The following DEPDC5 variants were observed in gnomAD, a reference collection of about 807,000 sequenced individuals.
The protein encoded by DEPDC5 is DEP domain containing 5, GATOR1 subcomplex subunit.
Under a neutral mutation model 217.3 loss-of-function variants are expected in DEPDC5, and 73 were observed. That is an observed-to-expected ratio of 0.34 (90% CI 0.28 to 0.41). The LOEUF (loss-of-function observed/expected upper bound fraction) is 0.41, where lower values mean the gene tolerates loss of function less well. Among genes scored for constraint, DEPDC5 ranks in the 10% least tolerant of loss-of-function variants. The probability of loss-of-function intolerance (pLI) is 1.00; values close to 1 mark genes in which losing one functional copy is unlikely to be tolerated. For synonymous variants in DEPDC5, 733 were observed against 756.7 expected (o/e 0.97, Z 0.51); for missense variants, 1,675 against 2,070.1 (o/e 0.81, Z 3.70).
chr22:31,778,766 G>A (rs1030869937), intron 8 of DEPDC5, among the ~76,000 whole-genome samples: 9 of 152,118 alleles, frequency 5.9e-5, no homozygotes, highest in African/African-American at 2.2e-4. Context: ...GCCAATGAAC[G>A]TTACCCATGC....
intron 7 of DEPDC5, among the ~76,000 whole-genome samples, chr22:31,775,426 C>T (rs545501660): frequency 6.6e-6 from 1 of 152,252 alleles, no homozygotes; most frequent in Non-Finnish European, 1.5e-5. Flanking sequence ...GATCCACCCA[C>T]CTCGGCCTCC....
At chr22:31,791,948 AAAAG>A in intron 10 of DEPDC5, 81 bp from the exon 11 acceptor site, 2 of 651,680 alleles carry the variant, frequency 3.1e-6, no homozygotes, top group African/African-American at 1.9e-5. Context: ...AAAAAAAAAA[AAAAG>A]AATATTATAT....
chr22:31,838,663 A>C, intron 26 of DEPDC5, 22 bp from the exon 27 acceptor site: 1 of 1,612,438 alleles, frequency 6.2e-7, no homozygotes, highest in Non-Finnish European at 8.5e-7. Flanking sequence ...CATCTGTATG[A>C]GCAATCATCT....
chr22:31,816,834 G>T (rs572126107), intron 21 of DEPDC5: 2 of 153,214 alleles, frequency 1.3e-5, no homozygotes, highest in South Asian at 2.0e-4. Context: ...CTCATGTATG[G>T]GTTAATCTGA....
intron 12 of DEPDC5, among the ~76,000 whole-genome samples, chr22:31,795,258 C>CG: frequency 6.6e-6 from 1 of 151,572 alleles, no homozygotes; most frequent in East Asian, 1.9e-4. Flanking sequence ...TTAGTAGAGA[C>CG]GGGGTTTCAC....
chr22:31,885,817 C>T (rs1396243236), intron 38 of DEPDC5, among the ~76,000 whole-genome samples: 1 of 151,242 alleles, frequency 6.6e-6, no homozygotes, highest in African/African-American at 2.4e-5. Context: ...GGGTGGATCA[C>T]GAGGTCAGGA....
At chr22:31,787,540 C>T (rs1443005297) in intron 10 of DEPDC5, among the ~76,000 whole-genome samples, 1 of 152,150 alleles carries the variant, frequency 6.6e-6, no homozygotes, top group Non-Finnish European at 1.5e-5. Flanking sequence ...GACCTGCTGG[C>T]TCACACCTTT....
At chr22:31,774,401 GT>G (rs1375437190) in intron 7 of DEPDC5, among the ~76,000 whole-genome samples, 1 of 151,578 alleles carries the variant, frequency 6.6e-6, no homozygotes, top group Admixed American at 6.6e-5. Flanking sequence ...GTTTCACCAT[GT>G]TTTTCAGGCT....
At chr22:31,880,673 G>C (rs1436555911) in intron 38 of DEPDC5, among the ~76,000 whole-genome samples, 2 of 152,180 alleles carry the variant, frequency 1.3e-5, no homozygotes. Flanking sequence ...GCTGAGGTGG[G>C]TGGATCACTT....
At chr22:31,868,786 T>C (rs1381652748) in intron 33 of DEPDC5, among the ~76,000 whole-genome samples, 1 of 152,210 alleles carries the variant, frequency 6.6e-6, no homozygotes, top group Non-Finnish European at 1.5e-5. Context: ...AAAGATCCCT[T>C]CTGGAAGTAC....
At chr22:31,846,728 A>C (rs1350052473) in intron 30 of DEPDC5, 106 bp from the exon 31 acceptor site, 1 of 1,528,150 alleles carries the variant, frequency 6.5e-7, no homozygotes, top group East Asian at 2.3e-5. Context: ...GACCCTGTCC[A>C]TGGGATTCCC....
chr22:31,815,074 A>G lies in DEPDC5; in HGVS notation c.1528A>G (p.Thr510Ala). 6.2e-7 allele frequency: 1 copy of G among 1,614,194 alleles called. No individual in the cohort carries two copies. Among genetic ancestry groups the G allele is most frequent in the Non-Finnish European group, 8.5e-7 (1 of 1,180,036 alleles). ...VSSSPSLPSR[T>A]LPTEEVRSQA... The stretch of plus-strand genomic sequence containing the variant: ...ATCCAGCCCTTCCCTACCAAGCCGC[A>G]CACTGCCCACTGAGGAAGTGAGGAG... The change falls in exon 21 of 43, where the codon ACA becomes GCA. Residue 510 changes from threonine to alanine, a missense_variant. Thr to Ala is a moderately conservative substitution (Grantham distance 58). Coordinates refer to ENST00000651528, the MANE Select transcript of DEPDC5 (RefSeq NM_001242896.3).
intron 37 of DEPDC5, among the ~76,000 whole-genome samples, chr22:31,877,058 G>A (rs1471187548): frequency 1.3e-5 from 2 of 151,942 alleles, no homozygotes; most frequent in African/African-American, 2.4e-5. Flanking sequence ...CAGGAGAATC[G>A]CTTGAATCCG....
intron 32 of DEPDC5, chr22:31,858,742 G>A (rs1054320020): frequency 4.6e-5 from 7 of 151,898 alleles, no homozygotes; most frequent in African/African-American, 1.2e-4. Flanking sequence ...GGTTAAAATT[G>A]TAGATGGTGA....
intron 8 of DEPDC5, among the ~76,000 whole-genome samples, chr22:31,779,202 A>G (rs890544196): frequency 6.6e-6 from 1 of 152,314 alleles, no homozygotes; most frequent in Admixed American, 6.5e-5. Flanking sequence ...GACCCAGTGT[A>G]TCCTTAGAGG....
chr22:31,813,024 G>A (rs557163426), intron 20 of DEPDC5, among the ~76,000 whole-genome samples: 1 of 152,310 alleles, frequency 6.6e-6, no homozygotes, highest in Admixed American at 6.5e-5. Flanking sequence ...ATAGGTGTGA[G>A]CCACTGCCCC....
chr22:31,853,867 G>A (rs576008856), intron 31 of DEPDC5, among the ~76,000 whole-genome samples: 6 of 152,320 alleles, frequency 3.9e-5, no homozygotes, highest in Non-Finnish European at 8.8e-5. Context: ...TCTGTCCAAG[G>A]TGGCTCTAGT....
intron 12 of DEPDC5, among the ~76,000 whole-genome samples, chr22:31,794,078 A>G (rs1380111927): frequency 6.6e-6 from 1 of 152,186 alleles, no homozygotes; most frequent in Non-Finnish European, 1.5e-5. Context: ...AAGTCCACAC[A>G]ATATTAAGTG....
At chr22:31,775,304 C>T (rs765261755) in intron 7 of DEPDC5, among the ~76,000 whole-genome samples, 1 of 151,992 alleles carries the variant, frequency 6.6e-6, no homozygotes, top group Non-Finnish European at 1.5e-5. Context: ...CTCAGCCTCC[C>T]GAGTAGCTGG....
Sources: gnomAD v4.1 joint callset for allele counts (sites outside exome capture counted in the v4.1 genomes callset) on GRCh38, gnomAD v4.1.1 for gene constraint, MANE v1.5 for transcripts, NCBI Gene and HGNC (gene_info 2026-07-23, HGNC 2026-07-21) for gene names.